PDE1C: variants seen among roughly 807,000 people sequenced by gnomAD.
The protein encoded by PDE1C is dual specificity calcium/calmodulin-dependent 3',5'-cyclic nucleotide phosphodiesterase 1C.
PDE1C carries 62 observed loss-of-function variants against 93.1 expected under a neutral mutation model. That is an observed-to-expected ratio of 0.67 (90% CI 0.54 to 0.82). PDE1C has a LOEUF of 0.82. Among genes scored for constraint, PDE1C ranks in the 40% least tolerant of loss-of-function variants. PDE1C has a pLI of 0.00. For missense variants in PDE1C, 742 were observed against 884.6 expected (o/e 0.84, Z 2.04); for synonymous variants, 325 against 310.1 (o/e 1.05, Z -0.50).
At chr7:31,774,386 T>C (rs1795697801) in intron 17 of PDE1C, among the ~76,000 whole-genome samples, 2 of 152,198 alleles carry the variant, frequency 1.3e-5, no homozygotes, top group South Asian at 4.1e-4. Context: ...AAAATAATGT[T>C]TAGCATTAGC....
intron 7 of PDE1C, among the ~76,000 whole-genome samples, chr7:31,853,736 G>A (rs964511053): frequency 2.0e-5 from 3 of 151,928 alleles, no homozygotes; most frequent in African/African-American, 7.3e-5. Flanking sequence ...TTTAAACAGG[G>A]TCTCACTCTG....
chr7:32,057,013 C>T lies in PDE1C; in HGVS notation c.102-5433G>A, dbSNP rs75428392. 4.4e-3 allele frequency among the ~76,000 whole-genome samples: 671 copies of T among 152,290 alleles called. 7 individuals are homozygous for T. Among genetic ancestry groups the T allele is most frequent in the African/African-American group, 0.015 (625 of 41,548 alleles). Reference sequence around the variant, plus strand: ...CCCAGCAATGTCCCACTTAACCTAGCAGAGCCACACACTCCCCTTAAATGT... The same window carrying T: ...CCCAGCAATGTCCCACTTAACCTAGTAGAGCCACACACTCCCCTTAAATGT... On this transcript the variant is annotated intron_variant, in intron 1 of 17. Transcript: ENST00000396191.
chr7:32,250,451 A>T, intron 1 of PDE1C, among the ~76,000 whole-genome samples: 1 of 152,196 alleles, frequency 6.6e-6, no homozygotes, highest in Middle Eastern at 3.2e-3. Flanking sequence ...ATCTCAGACC[A>T]ATTGAATCAG....
intron 2 of PDE1C, among the ~76,000 whole-genome samples, chr7:31,946,950 T>A (rs146503525): frequency 1.3e-5 from 2 of 152,168 alleles, no homozygotes; most frequent in African/African-American, 2.4e-5. Flanking sequence ...CGAGCCTTCA[T>A]TGTGTGTGAG....
chr7:32,251,370 AG>A (rs776301969), intron 1 of PDE1C, among the ~76,000 whole-genome samples: 3 of 152,214 alleles, frequency 2.0e-5, no homozygotes, highest in Non-Finnish European at 4.4e-5. Flanking sequence ...GCTGCAACTC[AG>A]GCAAGGGCAC....
At chr7:31,676,228 C>T in the PDE1C span, among the ~76,000 whole-genome samples, 1 of 152,022 alleles carries the variant, frequency 6.6e-6, no homozygotes, top group Non-Finnish European at 1.5e-5. Context: ...TAAGATGTAC[C>T]CAGCACAGTC....
intron 2 of PDE1C, among the ~76,000 whole-genome samples, chr7:31,958,955 C>A (rs563522897): frequency 1.1e-4 from 16 of 152,228 alleles, no homozygotes; most frequent in African/African-American, 3.1e-4. Context: ...CTTTCTAGAG[C>A]TGAGGCTTCC....
intron 7 of PDE1C, among the ~76,000 whole-genome samples, chr7:31,853,123 T>C (rs1793552052): frequency 6.6e-6 from 1 of 152,074 alleles, no homozygotes; most frequent in Admixed American, 6.5e-5. Context: ...TAGTGATGCT[T>C]CCCTCCTTAC....
At chr7:31,962,468 A>G (rs1809143329) in intron 2 of PDE1C, among the ~76,000 whole-genome samples, 1 of 152,220 alleles carries the variant, frequency 6.6e-6, no homozygotes, top group African/African-American at 2.4e-5. Flanking sequence ...GAAGTGAGTC[A>G]TTTCTGCTTC....
chr7:32,395,976 C>T (rs1055997249), intron 1 of PDE1C, among the ~76,000 whole-genome samples: 5 of 152,062 alleles, frequency 3.3e-5, no homozygotes, highest in African/African-American at 1.2e-4. Context: ...ATCTTAAAAA[C>T]TCAGTAGTCC....
At chr7:31,864,745 G>C (rs1795079794) in intron 7 of PDE1C, among the ~76,000 whole-genome samples, 197 bp downstream of exon 7, 1 of 152,032 alleles carries the variant, frequency 6.6e-6, no homozygotes, top group Non-Finnish European at 1.5e-5. Flanking sequence ...ATCTCATCAG[G>C]CTCAGGATGG....
intron 2 of PDE1C, among the ~76,000 whole-genome samples, chr7:32,039,771 A>G (rs1026320035): frequency 5.9e-5 from 9 of 152,036 alleles, no homozygotes; most frequent in African/African-American, 2.2e-4. Flanking sequence ...TACTGTCTCT[A>G]CCCCCACAAG....
the PDE1C span, among the ~76,000 whole-genome samples, chr7:31,700,126 T>A: frequency 6.6e-6 from 1 of 152,164 alleles, no homozygotes; most frequent in Non-Finnish European, 1.5e-5. Flanking sequence ...GAGAAAGACA[T>A]GTTGAAAGCC....
At chr7:31,722,028 C>G in the PDE1C span, among the ~76,000 whole-genome samples, 1 of 152,160 alleles carries the variant, frequency 6.6e-6, no homozygotes, top group Non-Finnish European at 1.5e-5. Context: ...ATATTTGCAC[C>G]AGAACCCCTC....
chr7:31,671,164 C>CCTT, the PDE1C span, among the ~76,000 whole-genome samples: 2 of 152,136 alleles, frequency 1.3e-5, no homozygotes, highest in Admixed American at 6.5e-5. Flanking sequence ...CCACACTGAC[C>CCTT]CTTCACTGAG....
At chr7:31,770,404 C>T (rs1460581143) in intron 17 of PDE1C, among the ~76,000 whole-genome samples, 2 of 152,124 alleles carry the variant, frequency 1.3e-5, no homozygotes, top group African/African-American at 4.8e-5. Context: ...TTTAATGAAG[C>T]CCAATTACCT....
intron 2 of PDE1C, among the ~76,000 whole-genome samples, chr7:31,924,862 C>G (rs1280490579): frequency 6.6e-6 from 1 of 152,216 alleles, no homozygotes; most frequent in Non-Finnish European, 1.5e-5. Flanking sequence ...TTCAATGCTG[C>G]TTCATTTACA....
intron 2 of PDE1C, among the ~76,000 whole-genome samples, chr7:32,043,516 T>G (rs1014351440): frequency 2.0e-5 from 3 of 152,184 alleles, no homozygotes; most frequent in African/African-American, 4.8e-5. Flanking sequence ...AAAACCATTT[T>G]GGCAAAACAC....
chr7:31,891,163 G>A (rs976942705), intron 2 of PDE1C, among the ~76,000 whole-genome samples: 2 of 152,172 alleles, frequency 1.3e-5, no homozygotes, highest in East Asian at 3.8e-4. Context: ...GGATGCAAAA[G>A]GACATGTGCG....
Sources: allele counts gnomAD v4.1 joint callset (sites outside exome capture counted in the v4.1 genomes callset), GRCh38; gene constraint gnomAD v4.1.1; transcripts MANE v1.5; gene names NCBI Gene and HGNC (gene_info 2026-07-23, HGNC 2026-07-21).